Variants in BABAM2 observed in about 807,000 individuals in gnomAD.
BABAM2 encodes BRISC and BRCA1 A complex member 2.
In BABAM2, 31 loss-of-function variants were observed where a neutral mutation model predicts 54.7. The observed-to-expected ratio is 0.57, with a 90% CI of 0.43 to 0.77. BABAM2 has a LOEUF of 0.77. Among genes scored for constraint, BABAM2 ranks in the 30% least tolerant of loss-of-function variants. BABAM2 has a pLI of 0.00. For synonymous variants in BABAM2, 167 were observed against 162.9 expected (o/e 1.03, Z -0.19); for missense variants, 364 against 455.8 (o/e 0.80, Z 1.83).
At chr2:27,977,602 A>G (rs1558632137) in intron 3 of BABAM2, among the ~76,000 whole-genome samples, 1 of 152,218 alleles carries the variant, frequency 6.6e-6, no homozygotes, top group African/African-American at 2.4e-5. Flanking sequence ...GCCATTTATC[A>G]ATAGAAGTTT....
intron 6 of BABAM2, among the ~76,000 whole-genome samples, chr2:28,075,614 C>T (rs991741756): frequency 6.6e-6 from 1 of 151,082 alleles, no homozygotes; most frequent in Non-Finnish European, 1.5e-5. Flanking sequence ...TTTTTAGGGG[C>T]CGTCACCTGC....
intron 10 of BABAM2, among the ~76,000 whole-genome samples, chr2:28,286,476 C>A (rs1686826693): frequency 6.6e-6 from 1 of 152,186 alleles, no homozygotes; most frequent in South Asian, 2.1e-4. Context: ...CCTCTCTGCT[C>A]CAGCTTCTGT....
intron 3 of BABAM2, among the ~76,000 whole-genome samples, chr2:27,952,568 T>C (rs1273207742): frequency 6.6e-6 from 1 of 152,220 alleles, no homozygotes; most frequent in East Asian, 1.9e-4. Context: ...TATGTTTGTT[T>C]TGAACTATTC....
chr2:28,176,044 A>G (rs1403414730), intron 7 of BABAM2, among the ~76,000 whole-genome samples: 5 of 152,220 alleles, frequency 3.3e-5, no homozygotes, highest in Non-Finnish European at 5.9e-5. Flanking sequence ...TTTTCTGACC[A>G]ACTAACACCA....
chr2:27,893,822 C>A (rs568225612), intron 1 of BABAM2, among the ~76,000 whole-genome samples: 2 of 151,820 alleles, frequency 1.3e-5, no homozygotes, highest in Non-Finnish European at 2.9e-5. Flanking sequence ...GATGAAACCC[C>A]GTCTCTACTA....
At chr2:28,093,950 G>A (rs1313485865) in intron 6 of BABAM2, among the ~76,000 whole-genome samples, 1 of 152,096 alleles carries the variant, frequency 6.6e-6, no homozygotes, top group African/African-American at 2.4e-5. Context: ...AAGCCAGGCT[G>A]GGGGGCTGAT....
intron 10 of BABAM2, among the ~76,000 whole-genome samples, chr2:28,278,206 G>A (rs564432545): frequency 6.6e-6 from 1 of 152,318 alleles, no homozygotes; most frequent in African/African-American, 2.4e-5. Context: ...CTGATGGAAA[G>A]CTTTGGGAGT....
intron 7 of BABAM2, among the ~76,000 whole-genome samples, chr2:28,231,135 T>C (rs1169481561): frequency 6.6e-6 from 1 of 152,174 alleles, no homozygotes; most frequent in African/African-American, 2.4e-5. Context: ...TTCTCATCTG[T>C]AAATGGGGCT....
chr2:28,004,362 C>T (rs541587126), intron 4 of BABAM2, among the ~76,000 whole-genome samples: 10 of 152,010 alleles, frequency 6.6e-5, no homozygotes, highest in Non-Finnish European at 1.5e-4. Context: ...ACCTTGTATA[C>T]GTTTTAAGAA....
chr2:28,038,022 T>C (rs901708898), intron 5 of BABAM2, among the ~76,000 whole-genome samples: 1 of 152,106 alleles, frequency 6.6e-6, no homozygotes. Flanking sequence ...TTTCCAAATA[T>C]GGTGAAAGAC....
At chr2:28,136,578 C>T (rs763473214) in intron 7 of BABAM2, among the ~76,000 whole-genome samples, 3 of 152,356 alleles carry the variant, frequency 2.0e-5, no homozygotes, top group Non-Finnish European at 2.9e-5. Flanking sequence ...CAGGAGGATA[C>T]TTTCCTTTAT....
At chr2:28,124,891 G>A (rs533825617) in intron 6 of BABAM2, among the ~76,000 whole-genome samples, 18 of 152,198 alleles carry the variant, frequency 1.2e-4, no homozygotes, top group African/African-American at 3.6e-4. Flanking sequence ...GTTATTGACC[G>A]GATTTAACTC....
intron 7 of BABAM2, among the ~76,000 whole-genome samples, chr2:28,165,552 T>TTG (rs35820119): frequency 6.9e-6 from 1 of 145,126 alleles, no homozygotes; most frequent in Non-Finnish European, 1.5e-5. Context: ...TTTTTTTTTT[T>TTG]GAGACAGAGC....
rs1249353947 is a variant in BABAM2 at position 28,305,176 on chromosome 2, T to A, written c.1088+6685T>A. Among the ~76,000 whole-genome samples, 10 of 152,346 alleles carry A rather than the reference T, an allele frequency of 6.6e-5. No individual in the cohort carries two copies. The East Asian group carries it at 1.9e-3, about 29-fold the overall frequency. On this transcript the variant is annotated intron_variant, in intron 11 of 11. Transcript: ENST00000379624. ...CTAATGTTGAGGTTTTACATAGATG[T>A]CTTTATCACGTTAAAGAAATTCTTG...
At chr2:28,291,412 G>C (rs894467551) in intron 10 of BABAM2, among the ~76,000 whole-genome samples, 1 of 151,912 alleles carries the variant, frequency 6.6e-6, no homozygotes, top group African/African-American at 2.4e-5. Flanking sequence ...GGGCAACATG[G>C]TGAAACCCAG....
chr2:28,233,958 G>A (rs2148049116), intron 7 of BABAM2, among the ~76,000 whole-genome samples: 1 of 83,600 alleles, frequency 1.2e-5, no homozygotes, highest in East Asian at 3.8e-4. Context: ...ACGGTCTGAA[G>A]CCTCTAGGAG....
At chr2:28,145,907 T>C (rs980438109) in intron 7 of BABAM2, among the ~76,000 whole-genome samples, 6 of 152,230 alleles carry the variant, frequency 3.9e-5, no homozygotes, top group African/African-American at 1.2e-4. Flanking sequence ...CATGTATCAA[T>C]ACTTCATTCA....
chr2:28,176,539 C>T (rs1220055706), intron 7 of BABAM2, among the ~76,000 whole-genome samples: 2 of 105,146 alleles, frequency 1.9e-5, no homozygotes, highest in Non-Finnish European at 1.8e-5. Flanking sequence ...CACTGCACTC[C>T]AGCCTGGGCA....
intron 5 of BABAM2, among the ~76,000 whole-genome samples, chr2:28,026,843 A>AATATATATTTATATATATATATAG (rs1553414445): frequency 2.5e-5 from 1 of 40,650 alleles, no homozygotes; most frequent in African/African-American, 1.0e-4. Flanking sequence ...AATATATATA[A>AATATATATTTATATATATATATAG]ATATATATTT....
Sources: gnomAD v4.1 joint callset for allele counts (sites outside exome capture counted in the v4.1 genomes callset) on GRCh38, gnomAD v4.1.1 for gene constraint, MANE v1.5 for transcripts, NCBI Gene and HGNC (gene_info 2026-07-23, HGNC 2026-07-21) for gene names.